The following CLTC variants were observed in gnomAD, a reference collection of about 807,000 sequenced individuals.
CLTC encodes the protein clathrin heavy chain 1.
Under a neutral mutation model 195.8 loss-of-function variants are expected in CLTC, and 16 were observed. That is an observed-to-expected ratio of 0.08 (90% CI 0.06 to 0.12). The LOEUF (loss-of-function observed/expected upper bound fraction) is 0.12. Among genes scored for constraint, CLTC ranks in the 10% least tolerant of loss-of-function variants. CLTC has a pLI of 1.00. For synonymous variants in CLTC, 667 were observed against 689.4 expected (o/e 0.97, Z 0.51); for missense variants, 796 against 2,027.0 (o/e 0.39, Z 11.66).
intron 8 of CLTC, among the ~76,000 whole-genome samples, chr17:59,662,432 TAACA>T (rs1256610491): frequency 3.9e-5 from 6 of 152,136 alleles, no homozygotes; most frequent in Non-Finnish European, 8.8e-5. Context: ...GTTTCTAGGA[TAACA>T]AACAAGTTTT....
intron 1 of CLTC, among the ~76,000 whole-genome samples, chr17:59,627,268 A>G (rs1443909605): frequency 2.0e-5 from 3 of 152,226 alleles, no homozygotes; most frequent in East Asian, 1.9e-4. Flanking sequence ...ATCAAAATAC[A>G]TGGGCCATTA....
intron 16 of CLTC, 150 bp downstream of exon 16, chr17:59,674,993 T>G: frequency 1.4e-6 from 1 of 716,106 alleles, no homozygotes; most frequent in Non-Finnish European, 2.3e-6. Flanking sequence ...AGCTAGCTAA[T>G]AGCACTGGGA....
At position 59,651,456 on chromosome 17, in the gene CLTC, ATAATACC is replaced by A. The variant is rs536636806; in HGVS notation, c.795+142_795+148del. On this transcript the variant is annotated intron_variant, in intron 5 of 31. Transcript: ENST00000269122. ...AAGTTTATTAGTGAAGCTTTGTAAAATAATACCTTGGCTTTTCATGTACAGGACTACC... is the reference window on the plus strand; with the variant it reads ...AAGTTTATTAGTGAAGCTTTGTAAAATTGGCTTTTCATGTACAGGACTACC... 2.6e-5 allele frequency: 17 copies of A among 652,060 alleles called. No homozygotes were observed. In the East Asian group the frequency reaches 4.5e-4, roughly 17 times the overall value. 40.4% of individuals were successfully genotyped at this position (652,060 alleles called of 1,614,324 possible).
chr17:59,673,624 C>A (rs765971890), intron 14 of CLTC, 23 bp from the exon 15 acceptor site: 2 of 1,592,932 alleles, frequency 1.3e-6, no homozygotes, highest in Non-Finnish European at 8.6e-7. Flanking sequence ...TTTAAAGTTT[C>A]CTTTTGTTTG....
rs2033167490 is a variant in CLTC, at chr17:59,685,569, C to G, written c.4606-18C>G. The G allele has an allele frequency of 6.3e-7, 1 of 1,594,342 alleles. No individual in the cohort carries two copies. Among genetic ancestry groups the G allele is most frequent in the African/African-American group, 1.3e-5 (1 of 74,390 alleles). ...TGTGGGGTCTAATGTTTTTGACTTTCACTATTTCTTTGAATAGGATGCAAT... is the reference window on the plus strand; with the variant it reads ...TGTGGGGTCTAATGTTTTTGACTTTGACTATTTCTTTGAATAGGATGCAAT... On this transcript the variant is annotated intron_variant, in intron 29 of 31. Coordinates refer to ENST00000269122, the MANE Select transcript of CLTC (RefSeq NM_004859.4). This position sits in a 1 kb window ranked among gnomAD's most constrained non-coding sequence, Gnocchi z 5.0.
At position 59,695,328 on chromosome 17, in the gene CLTC, A is replaced by T. The variant is rs1359842710; in HGVS notation, c.*1476A>T. On this transcript the variant is annotated 3_prime_UTR_variant, in exon 32 of 32. Transcript: ENST00000269122. ...ACAACTCTCTTAGGCAAATTACCTA[A>T]CATAAGCTCCACAGAAGAGTTTTTT... 1 of 185,078 alleles carries T rather than the reference A, an allele frequency of 5.4e-6. No homozygotes were observed. Among genetic ancestry groups the T allele is most frequent in the Non-Finnish European group, 1.1e-5 (1 of 87,430 alleles). The allele number at this position is 185,078 out of a possible 1,614,324, so 11.5% of individuals were successfully genotyped here.
intron 1 of CLTC, among the ~76,000 whole-genome samples, chr17:59,638,885 A>G (rs534057026): frequency 1.3e-4 from 20 of 152,208 alleles, no homozygotes; most frequent in African/African-American, 4.3e-4. Context: ...ACAGAATCCT[A>G]CCTTTTACTC....
chr17:59,696,769 CATTTCCATCTGTTAAGGTCCATAA>C lies in CLTC; in HGVS notation c.*2918_*2941del. On this transcript the variant is annotated 3_prime_UTR_variant, in exon 32 of 32. Coordinates refer to ENST00000269122, the MANE Select transcript of CLTC (RefSeq NM_004859.4). The stretch of plus-strand genomic sequence containing the variant: ...CCATAAATTCTTACTTGGGCCCACC[CATTTCCATCTGTTAAGGTCCATAA>C]GGTTACTCAAGTTTCAGTGGCTTCA... 4.9e-6 allele frequency: 1 copy of C among 205,664 alleles called. No homozygotes were observed. The highest frequency in any genetic ancestry group is 1.0e-5 in the Non-Finnish European group (1 of 100,446). The allele number at this position is 205,664 out of a possible 1,614,324, so 12.7% of individuals were successfully genotyped here.
Position 59,666,459 on chromosome 17 carries a change from G to A in CLTC, c.1783-21G>A, listed in dbSNP as rs200989403. The A allele has an allele frequency of 1.5e-5, 24 of 1,608,134 alleles. No individual in the cohort carries two copies. Among genetic ancestry groups the A allele is most frequent in the Middle Eastern group, 1.6e-4 (1 of 6,064 alleles). On this transcript the variant is annotated intron_variant, in intron 11 of 31. Transcript: ENST00000269122. The surrounding 1 kb of genome is among the most constrained non-coding windows in gnomAD (Gnocchi z 4.9). ...TGTAAGTGGAGTGGACAATAAACTT[G>A]CCTTGTTTGTGGTTTTACAGGTTGC...
Position 59,651,233 on chromosome 17 carries a change from A to G in CLTC, c.712A>G (p.Thr238Ala). The G allele has an allele frequency of 3.7e-6, 6 of 1,613,588 alleles. No homozygotes were observed. The highest frequency in any genetic ancestry group is 5.1e-6 in the Non-Finnish European group (6 of 1,179,584). ...TATTATTGAAGTTGGCACACCACCT[A>G]CAGGGAACCAGCCCTTTCCAAAGAA... ...LHIIEVGTPP[T>A]GNQPFPKKAV... Residue 238 changes from threonine (T) to alanine (A), a missense_variant, in exon 5 of 32, where the codon ACA (threonine) becomes GCA (alanine). Thr to Ala is a moderately conservative substitution (Grantham distance 58). Transcript: ENST00000269122.
chr17:59,627,880 T>C (rs1016482848), intron 1 of CLTC, among the ~76,000 whole-genome samples: 1 of 152,222 alleles, frequency 6.6e-6, no homozygotes, highest in Non-Finnish European at 1.5e-5. Context: ...ACTTCTGCTT[T>C]CTATTTTACT....
At chr17:59,670,391 G>A (rs968766298) in intron 14 of CLTC, among the ~76,000 whole-genome samples, 1 of 151,828 alleles carries the variant, frequency 6.6e-6, no homozygotes, top group Admixed American at 6.6e-5. Context: ...TCGTCATCCA[G>A]GTATTAAGCC....
chr17:59,686,858 G>A, intron 30 of CLTC: 1 of 297,876 alleles, frequency 3.4e-6, no homozygotes, highest in South Asian at 1.3e-4. Context: ...TTTGCTTCCA[G>A]TATGCCCTTT....
intron 17 of CLTC, among the ~76,000 whole-genome samples, chr17:59,677,786 A>G (rs1320726080): frequency 1.3e-5 from 2 of 152,178 alleles, no homozygotes; most frequent in East Asian, 1.9e-4. Context: ...TATGACGCTG[A>G]TATCTTTGTA....
intron 30 of CLTC, 32 bp from the exon 31 acceptor site, chr17:59,690,604 G>A (rs1478863394): frequency 1.3e-6 from 2 of 1,489,182 alleles, no homozygotes; most frequent in East Asian, 2.3e-5. Context: ...ATACTTTTGG[G>A]GTGCTAATTA....
Position 59,683,651 on chromosome 17 carries a change from A to G in CLTC, c.4218A>G (p.Arg1406=). ...TTGCCAATGTGGAACTATACTACAGAGCAATACAGTTCTACTTAGAATTCA... is the reference window on the plus strand; with the variant it reads ...TTGCCAATGTGGAACTATACTACAGGGCAATACAGTTCTACTTAGAATTCA... ...TKVANVELYY[R]AIQFYLEFKP... Residue 1406 remains arginine, a synonymous_variant, in exon 27 of 32, where the codon AGA becomes AGG. Transcript: ENST00000269122. This position sits in a 1 kb window ranked among gnomAD's most constrained non-coding sequence, Gnocchi z 6.1. 1 of 1,614,190 alleles carries G rather than the reference A, an allele frequency of 6.2e-7. No homozygotes were observed. The highest frequency in any genetic ancestry group is 1.1e-5 in the South Asian group (1 of 91,086).
chr17:59,680,894 C>T lies in CLTC; in HGVS notation c.2920-18C>T. 1 of 1,575,680 alleles carries T rather than the reference C, an allele frequency of 6.3e-7. No individual in the cohort carries two copies. Among genetic ancestry groups the T allele is most frequent in the Non-Finnish European group, 8.6e-7 (1 of 1,162,158 alleles). On this transcript the variant is annotated intron_variant, in intron 18 of 31. Transcript: ENST00000269122. ...CCAACTTGATTCTCAGTACTTATGTCCCATATATCCTCTGTAGGTTGTACA... is the reference window on the plus strand; with the variant it reads ...CCAACTTGATTCTCAGTACTTATGTTCCATATATCCTCTGTAGGTTGTACA...
chr17:59,681,083 C>T lies in CLTC; in HGVS notation c.3065+26C>T, dbSNP rs752408036. 6.2e-7 allele frequency: 1 copy of T among 1,608,342 alleles called. No homozygotes were observed. Among genetic ancestry groups the T allele is most frequent in the Non-Finnish European group, 8.5e-7 (1 of 1,177,090 alleles). On this transcript the variant is annotated intron_variant, in intron 19 of 31. Transcript: ENST00000269122. The surrounding 1 kb of genome is among the most constrained non-coding windows in gnomAD (Gnocchi z 5.0). ...GTATGCTTTCAGAGGGATCCATTGGCTATTTATAGTCAGTCTTTAATAAAT... is the reference window on the plus strand; with the variant it reads ...GTATGCTTTCAGAGGGATCCATTGGTTATTTATAGTCAGTCTTTAATAAAT...
intron 7 of CLTC, 58 bp from the exon 8 acceptor site, chr17:59,661,385 T>G (rs2032605192): frequency 7.1e-7 from 1 of 1,400,036 alleles, no homozygotes; most frequent in East Asian, 2.3e-5. Flanking sequence ...TCGAAGAGCG[T>G]TTAACATTTC....
Sources: gnomAD v4.1 joint callset for allele counts (sites outside exome capture counted in the v4.1 genomes callset) on GRCh38, gnomAD v4.1.1 for gene constraint, Gnocchi (gnomAD v3.1) non-coding constraint, MANE v1.5 for transcripts, NCBI Gene and HGNC (gene_info 2026-07-23, HGNC 2026-07-21) for gene names.